TRHDE: variants seen among roughly 807,000 people sequenced by gnomAD.
TRHDE encodes the protein thyrotropin releasing hormone degrading enzyme, also known as thyrotropin-releasing hormone-degrading ectoenzyme.
A neutral mutation model predicts 125.7 loss-of-function variants in TRHDE; 72 were observed. The observed-to-expected ratio is 0.57, with a 90% CI of 0.47 to 0.70. The LOEUF is 0.70. Ranked by LOEUF, TRHDE falls within the 30% of genes least tolerant of loss-of-function variation. TRHDE has a pLI of 0.00. For missense variants in TRHDE, 1,110 were observed against 1,327.1 expected (o/e 0.84, Z 2.54); for synonymous variants, 509 against 509.1 (o/e 1.00, Z 0.00).
At chr12:72,602,470 A>G (rs1872247280) in intron 12 of TRHDE, among the ~76,000 whole-genome samples, 1 of 152,180 alleles carries the variant, frequency 6.6e-6, no homozygotes, top group African/African-American at 2.4e-5. Flanking sequence ...ATCTGGAGGT[A>G]TGGTGGGTTA....
intron 6 of TRHDE, among the ~76,000 whole-genome samples, chr12:72,522,659 G>C (rs1426956134): frequency 6.6e-6 from 1 of 152,110 alleles, no homozygotes; most frequent in Non-Finnish European, 1.5e-5. Context: ...TAAGAGTTTA[G>C]TTTGAACTAG....
intron 2 of TRHDE, among the ~76,000 whole-genome samples, chr12:72,302,036 C>CAA (rs759222567): frequency 6.6e-6 from 1 of 152,056 alleles, no homozygotes; most frequent in Non-Finnish European, 1.5e-5. Flanking sequence ...CCAACTTGTG[C>CAA]AAATGACTTA....
chr12:72,603,177 A>C (rs1054124170), intron 12 of TRHDE, among the ~76,000 whole-genome samples: 2 of 152,222 alleles, frequency 1.3e-5, no homozygotes, highest in African/African-American at 4.8e-5. Flanking sequence ...GGCAAGAAAG[A>C]AAGCCATGTT....
chr12:72,107,832 A>ATT (rs1233726863), intron 2 of TRHDE, among the ~76,000 whole-genome samples: 1 of 143,690 alleles, frequency 7.0e-6, no homozygotes, highest in African/African-American at 2.7e-5. Context: ...TTGAAATCTA[A>ATT]TTTAGACATT....
At chr12:72,140,539 C>G (rs1035957604) in intron 2 of TRHDE, 1 of 152,198 alleles carries the variant, frequency 6.6e-6, no homozygotes, top group Non-Finnish European at 1.5e-5. Flanking sequence ...GGGGCTGTGT[C>G]ATGGGCCATG....
In TRHDE at chr12:72,656,909, C is replaced by T; in HGVS notation, c.2985-18C>T. 1 of 1,543,952 alleles carries T rather than the reference C, an allele frequency of 6.5e-7. No individual in the cohort carries two copies. Among genetic ancestry groups the T allele is most frequent in the South Asian group, 1.2e-5 (1 of 86,730 alleles). On this transcript the variant is annotated intron_variant, in intron 17 of 18. Transcript: ENST00000261180. ...ATTATGACCTGCATTGACATTAAGA[C>T]TCTTTTTTTCTTTTGAGGTATGGAG...
intron 2 of TRHDE, among the ~76,000 whole-genome samples, chr12:72,245,051 A>G (rs1878549886): frequency 6.6e-6 from 1 of 152,116 alleles, no homozygotes; most frequent in Non-Finnish European, 1.5e-5. Context: ...TAGAGTAAAA[A>G]TTGTCAAATT....
chr12:72,515,959 T>C (rs201408170), intron 6 of TRHDE, among the ~76,000 whole-genome samples: 11,322 of 97,900 alleles, frequency 0.12, 1,579 homozygotes, highest in African/African-American at 0.3. Flanking sequence ...TGTAGATATG[T>C]GGCGCTATTT....
intron 2 of TRHDE, among the ~76,000 whole-genome samples, chr12:72,366,156 C>G (rs1379689285): frequency 6.6e-6 from 1 of 152,074 alleles, no homozygotes; most frequent in Non-Finnish European, 1.5e-5. Context: ...ATCTAGTAAT[C>G]TCTTAATTTA....
At chr12:72,164,607 A>G (rs1008013606) in intron 2 of TRHDE, among the ~76,000 whole-genome samples, 1 of 152,262 alleles carries the variant, frequency 6.6e-6, no homozygotes, top group Admixed American at 6.5e-5. Flanking sequence ...TAGACAAGTT[A>G]TCTACCTTAC....
At chr12:72,203,744 G>A (rs1326377718) in intron 2 of TRHDE, among the ~76,000 whole-genome samples, 4 of 151,982 alleles carry the variant, frequency 2.6e-5, no homozygotes, top group Non-Finnish European at 1.5e-5. Context: ...CTGTACTAGT[G>A]GACAAATTTT....
At chr12:72,468,292 G>T (rs1219149885) in intron 3 of TRHDE, among the ~76,000 whole-genome samples, 1 of 152,172 alleles carries the variant, frequency 6.6e-6, no homozygotes, top group Non-Finnish European at 1.5e-5. Flanking sequence ...TTCTCAGATT[G>T]TCCATGTGAT....
At chr12:72,434,060 G>T (rs142193935) in intron 3 of TRHDE, among the ~76,000 whole-genome samples, 1 of 152,092 alleles carries the variant, frequency 6.6e-6, no homozygotes, top group African/African-American at 2.4e-5. Flanking sequence ...GACAATCACC[G>T]TTCTACTGTG....
chr12:72,187,993 A>G (rs552717663), intron 2 of TRHDE, among the ~76,000 whole-genome samples: 4 of 152,366 alleles, frequency 2.6e-5, no homozygotes, highest in African/African-American at 9.6e-5. Flanking sequence ...AAAATATGGG[A>G]TAATATAACC....
intron 7 of TRHDE, 127 bp from the exon 8 acceptor site, chr12:72,562,038 T>C: frequency 2.0e-6 from 1 of 510,008 alleles, no homozygotes; most frequent in Non-Finnish European, 3.6e-6. Flanking sequence ...ATGAGATTAT[T>C]TATCTTTTTT....
intron 2 of TRHDE, among the ~76,000 whole-genome samples, chr12:72,203,975 T>G (rs556865333): frequency 1.3e-3 from 198 of 152,354 alleles, no homozygotes; most frequent in African/African-American, 4.6e-3. Context: ...TTTGAGGATC[T>G]CCATATTACT....
intron 2 of TRHDE, among the ~76,000 whole-genome samples, chr12:72,291,384 T>C (rs1456458558): frequency 6.6e-6 from 1 of 152,238 alleles, no homozygotes; most frequent in Non-Finnish European, 1.5e-5. Flanking sequence ...ACCAGTTCCT[T>C]AATTATGGAT....
At chr12:72,427,924 G>A (rs373255546) in intron 3 of TRHDE, among the ~76,000 whole-genome samples, 17 of 152,250 alleles carry the variant, frequency 1.1e-4, no homozygotes, top group African/African-American at 3.6e-4. Context: ...GACAACGTGA[G>A]GAAAACTCAC....
intron 2 of TRHDE, among the ~76,000 whole-genome samples, chr12:72,324,440 C>T (rs1428698539): frequency 6.6e-6 from 1 of 151,984 alleles, no homozygotes; most frequent in Admixed American, 6.6e-5. Flanking sequence ...GGGCCTTTCA[C>T]TCAGAGGTAA....
Sources: allele counts gnomAD v4.1 joint callset (sites outside exome capture counted in the v4.1 genomes callset), GRCh38; gene constraint gnomAD v4.1.1; transcripts MANE v1.5; gene names NCBI Gene and HGNC (gene_info 2026-07-23, HGNC 2026-07-21).